The following CELF2 variants were observed in gnomAD, a reference collection of about 807,000 sequenced individuals.
CELF2 encodes the protein CUGBP Elav-like family member 2, also known as CUG triplet repeat RNA-binding protein 2.
CELF2 carries 8 observed loss-of-function variants against 62.6 expected under a neutral mutation model. The observed-to-expected ratio is 0.13, with a 90% confidence interval of 0.07 to 0.23. The LOEUF (loss-of-function observed/expected upper bound fraction) is 0.23, where lower values mean the gene tolerates loss of function less well. CELF2 is among the 10% of genes least tolerant of loss of function. The pLI, the probability that CELF2 is intolerant of heterozygous loss-of-function variation, is 1.00. For synonymous variants in CELF2, 258 were observed against 250.0 expected (o/e 1.03, Z -0.30); for missense variants, 333 against 671.0 (o/e 0.50, Z 5.56).
At chr10:10,819,211 CCTTG>C (rs1014629054) in intron 1 of CELF2, among the ~76,000 whole-genome samples, 1 of 151,988 alleles carries the variant, frequency 6.6e-6, no homozygotes, top group Non-Finnish European at 1.5e-5. Flanking sequence ...ACAAAGTTAT[CCTTG>C]CTTTAATGGG....
At chr10:11,027,239 G>A (rs903574619) in intron 1 of CELF2, among the ~76,000 whole-genome samples, 5 of 152,060 alleles carry the variant, frequency 3.3e-5, no homozygotes, top group Admixed American at 1.3e-4. Flanking sequence ...TTGCCTCCTC[G>A]TGCATTTGGG....
At chr10:10,696,635 T>C in the CELF2 span, among the ~76,000 whole-genome samples, 7 of 152,032 alleles carry the variant, frequency 4.6e-5, no homozygotes, top group East Asian at 5.8e-4. Context: ...TCTCAGACTG[T>C]TGTGCTAGCA....
At chr10:10,687,266 T>A in the CELF2 span, among the ~76,000 whole-genome samples, 1 of 152,176 alleles carries the variant, frequency 6.6e-6, no homozygotes. Flanking sequence ...TTAACTTTCC[T>A]CCACCTCAGA....
chr10:11,163,191 A>G (rs2066118626), intron 1 of CELF2, among the ~76,000 whole-genome samples: 1 of 152,224 alleles, frequency 6.6e-6, no homozygotes, highest in South Asian at 2.1e-4. Context: ...TGACACTAGA[A>G]CTAGTACAAT....
chr10:10,791,114 T>A, the CELF2 span, among the ~76,000 whole-genome samples: 7 of 152,196 alleles, frequency 4.6e-5, no homozygotes, highest in African/African-American at 1.7e-4. Context: ...AATTCTCTAT[T>A]TTCATTTCAG....
chr10:11,077,601 A>T (rs751915882), intron 1 of CELF2, among the ~76,000 whole-genome samples: 1 of 152,168 alleles, frequency 6.6e-6, no homozygotes, highest in Non-Finnish European at 1.5e-5. Context: ...AAAAATACCT[A>T]TTATTACTTT....
At chr10:10,952,674 CAAA>C (rs370427448) in intron 2 of CELF2, among the ~76,000 whole-genome samples, 2 of 102,084 alleles carry the variant, frequency 2.0e-5, no homozygotes, top group African/African-American at 3.6e-5. Context: ...TGAGATGGTC[CAAA>C]AAAAAAAAAA....
chr10:10,881,497 A>G (rs1421865859), intron 1 of CELF2, among the ~76,000 whole-genome samples: 2 of 152,186 alleles, frequency 1.3e-5, no homozygotes, highest in Non-Finnish European at 2.9e-5. Flanking sequence ...CTCTCCAAAG[A>G]TTTGTAGCAT....
chr10:10,843,302 G>A (rs929874653), intron 1 of CELF2, among the ~76,000 whole-genome samples: 2 of 151,760 alleles, frequency 1.3e-5, no homozygotes, highest in Non-Finnish European at 2.9e-5. Context: ...TCAATCATTG[G>A]CTTCTCCTCT....
intron 1 of CELF2, among the ~76,000 whole-genome samples, chr10:10,872,759 A>T (rs146850548): frequency 0.011 from 1,637 of 152,318 alleles, 44 homozygotes; most frequent in South Asian, 0.088. Context: ...GGGTGAGGAA[A>T]GAAGAGAATT....
At chr10:11,045,901 G>A (rs866498702) in intron 1 of CELF2, among the ~76,000 whole-genome samples, 8 of 152,258 alleles carry the variant, frequency 5.3e-5, no homozygotes, top group Admixed American at 2.6e-4. Flanking sequence ...CACAATACCC[G>A]TTAGAATGTG....
At chr10:10,858,747 G>C (rs543964335) in intron 1 of CELF2, among the ~76,000 whole-genome samples, 1 of 151,398 alleles carries the variant, frequency 6.6e-6, no homozygotes, top group African/African-American at 2.4e-5. Flanking sequence ...TCCAGGAATA[G>C]ATGTATTTCC....
At chr10:10,576,105 C>T in the CELF2 span, among the ~76,000 whole-genome samples, 2 of 152,162 alleles carry the variant, frequency 1.3e-5, no homozygotes, top group East Asian at 3.9e-4. Flanking sequence ...CTGGCTGGGC[C>T]TTTAGCCCCA....
chr10:11,113,914 T>G (rs972924517), intron 1 of CELF2, among the ~76,000 whole-genome samples: 2 of 152,354 alleles, frequency 1.3e-5, no homozygotes, highest in Non-Finnish European at 2.9e-5. Context: ...AGGGAGCCTC[T>G]GCTGTCAGAA....
chr10:11,122,683 C>G (rs553624733), intron 1 of CELF2, among the ~76,000 whole-genome samples: 1 of 152,342 alleles, frequency 6.6e-6, no homozygotes, highest in East Asian at 1.9e-4. Flanking sequence ...AGGCCTCTTA[C>G]AACAAGCAGT....
the CELF2 span, among the ~76,000 whole-genome samples, chr10:10,607,308 T>TA: frequency 0.014 from 2,084 of 151,280 alleles, 40 homozygotes; most frequent in African/African-American, 0.042. Flanking sequence ...AAGAAAATGT[T>TA]AAAAAAAAAT....
the CELF2 span, among the ~76,000 whole-genome samples, chr10:10,567,071 T>G: frequency 1.3e-5 from 2 of 152,198 alleles, no homozygotes; most frequent in African/African-American, 4.8e-5. Flanking sequence ...AAGGACAGTG[T>G]TCATTTAAGA....
intron 1 of CELF2, among the ~76,000 whole-genome samples, chr10:11,057,637 T>C (rs1459474301): frequency 6.6e-6 from 1 of 152,184 alleles, no homozygotes; most frequent in South Asian, 2.1e-4. Flanking sequence ...TGACGTAGTA[T>C]GTTTTCTCTT....
chr10:10,609,047 G>A, the CELF2 span, among the ~76,000 whole-genome samples: 9 of 152,306 alleles, frequency 5.9e-5, no homozygotes, highest in Admixed American at 4.6e-4. Flanking sequence ...TCTTCTCTGG[G>A]AGAACCATTG....
Sources: allele counts gnomAD v4.1 joint callset (sites outside exome capture counted in the v4.1 genomes callset), GRCh38; gene constraint gnomAD v4.1.1; transcripts MANE v1.5; gene names NCBI Gene and HGNC (gene_info 2026-07-23, HGNC 2026-07-21).